SIRPG: variants seen among roughly 807,000 people sequenced by gnomAD.
SIRPG encodes signal regulatory protein gamma.
A neutral mutation model predicts 35.7 loss-of-function variants in SIRPG; 38 were observed. The ratio of observed to expected loss-of-function variants is 1.06; its 90% CI spans 0.82 to 1.40. The LOEUF (loss-of-function observed/expected upper bound fraction) is 1.40. Ranked by LOEUF, SIRPG falls within the 40% of genes most tolerant of loss-of-function variation. The pLI, the probability that SIRPG is intolerant of heterozygous loss-of-function variation, is 0.00. For missense variants in SIRPG, 519 were observed against 483.0 expected (o/e 1.07, Z -0.70); for synonymous variants, 215 against 190.4 (o/e 1.13, Z -1.06).
At chr20:1,664,322 C>T in the SIRPG span, among the ~76,000 whole-genome samples, 1 of 151,870 alleles carries the variant, frequency 6.6e-6, no homozygotes, top group Non-Finnish European at 1.5e-5. Flanking sequence ...CTGTTTTTTT[C>T]CCTTAAAACT....
At position 1,649,091 on chromosome 20, in the gene SIRPG, C is replaced by T. The variant is rs62641733; in HGVS notation, c.391G>A (p.Glu131Lys). ...TCAGTGCCTGGTCCAGACTTAAACTCCACGTTCTCAGGGCTCCCTTTTCGA... is the reference window on the plus strand; with the variant it reads ...TCAGTGCCTGGTCCAGACTTAAACTTCACGTTCTCAGGGCTCCCTTTTCGA... ...KFRKGSPENV[E>K]FKSGPGTEMA... The change falls in exon 2 of 6, where the codon GAG (glutamate) becomes AAG (lysine). Residue 131 changes from glutamate (E) to lysine (K), a missense_variant. Coordinates refer to ENST00000303415, the MANE Select transcript of SIRPG (RefSeq NM_018556.4). 1.2e-6 allele frequency: 2 copies of T among 1,613,912 alleles called. No individual in the cohort carries two copies. The highest frequency in any genetic ancestry group is 1.3e-5 in the African/African-American group (1 of 75,010).
At chr20:1,631,855 G>A (rs752410140) in intron 4 of SIRPG, among the ~76,000 whole-genome samples, 1 of 152,174 alleles carries the variant, frequency 6.6e-6, no homozygotes, top group Non-Finnish European at 1.5e-5. Context: ...CTTGTTCCAT[G>A]GCTATCACTG....
chr20:1,665,722 C>T, the SIRPG span, among the ~76,000 whole-genome samples: 1 of 152,174 alleles, frequency 6.6e-6, no homozygotes, highest in Non-Finnish European at 1.5e-5. Context: ...ACAACTTAGT[C>T]TAATTTTCCA....
chr20:1,677,390 G>A, the SIRPG span, among the ~76,000 whole-genome samples: 4 of 152,190 alleles, frequency 2.6e-5, no homozygotes, highest in African/African-American at 7.2e-5. Context: ...AGCATAATAC[G>A]TGGACTGTGC....
chr20:1,678,633 G>A, the SIRPG span, among the ~76,000 whole-genome samples: 1 of 152,048 alleles, frequency 6.6e-6, no homozygotes, highest in African/African-American at 2.4e-5. Flanking sequence ...GGGGAAAAGA[G>A]AAAAAGAGAA....
At chr20:1,666,235 G>A in the SIRPG span, 2 of 152,100 alleles carry the variant, frequency 1.3e-5, no homozygotes, top group Middle Eastern at 3.4e-3. Context: ...CAAGCTGAGT[G>A]TTGTTACTAA....
At chr20:1,636,810 T>C (rs571566225) in intron 2 of SIRPG, among the ~76,000 whole-genome samples, 3 of 152,314 alleles carry the variant, frequency 2.0e-5, no homozygotes, top group African/African-American at 7.2e-5. Flanking sequence ...TTACTGATTG[T>C]TCTCCCTCTG....
At chr20:1,653,961 C>T (rs1049577506) in intron 1 of SIRPG, among the ~76,000 whole-genome samples, 3 of 152,066 alleles carry the variant, frequency 2.0e-5, no homozygotes, top group East Asian at 1.9e-4. Context: ...AAGATGGGGC[C>T]GGGCATGGTG....
chr20:1,633,619 T>A (rs1287800316), intron 4 of SIRPG: 1 of 152,186 alleles, frequency 6.6e-6, no homozygotes, highest in Non-Finnish European at 1.5e-5. Flanking sequence ...ATAGAAGATA[T>A]TTTTTGCCCT....
rs188105023 is a variant in SIRPG at position 1,637,263 on chromosome 20, C to T, written c.431-758G>A. 248 of 235,916 alleles carry T rather than the reference C, an allele frequency of 1.1e-3. 1 individual carries two copies. The Admixed American group carries it at 0.013, about 12-fold the overall frequency. The allele number at this position is 235,916 out of a possible 1,614,324, so 14.6% of individuals were successfully genotyped here. ...GCTAAAGCTTTAACATGGAGTCAAG[C>T]GTTTGTAAGAGCATTGCACTCACAC... is the stretch of plus-strand genomic sequence containing the variant. On this transcript the variant is annotated intron_variant, in intron 2 of 5. Coordinates refer to ENST00000303415, the MANE Select transcript of SIRPG (RefSeq NM_018556.4).
chr20:1,634,170 G>T (rs1227722155), intron 4 of SIRPG, among the ~76,000 whole-genome samples: 1 of 150,584 alleles, frequency 6.6e-6, no homozygotes, highest in South Asian at 2.1e-4. Flanking sequence ...GAAGAGGTCC[G>T]TTCTGTGACC....
intron 2 of SIRPG, among the ~76,000 whole-genome samples, chr20:1,640,410 G>A (rs979867511): frequency 6.6e-6 from 1 of 152,102 alleles, no homozygotes; most frequent in Non-Finnish European, 1.5e-5. Flanking sequence ...CTCTCTGCTT[G>A]TCTATTGTTG....
chr20:1,666,249 G>A, the SIRPG span: 19 of 152,186 alleles, frequency 1.2e-4, no homozygotes, highest in Admixed American at 1.2e-3. Flanking sequence ...TTACTAATAA[G>A]TAAAGTTAAA....
intron 3 of SIRPG, among the ~76,000 whole-genome samples, 193 bp downstream of exon 3, chr20:1,635,995 C>T (rs1315741960): frequency 1.3e-5 from 2 of 152,186 alleles, no homozygotes; most frequent in Admixed American, 6.5e-5. Flanking sequence ...GAGCTTGGCA[C>T]GTGATTGCTG....
the SIRPG span, among the ~76,000 whole-genome samples, chr20:1,668,409 C>T: frequency 0.033 from 5,071 of 151,812 alleles, 126 homozygotes; most frequent in Middle Eastern, 0.058. Flanking sequence ...CAGCTTCCGG[C>T]GTAGCTGAGA....
chr20:1,643,607 C>T (rs1180741346), intron 2 of SIRPG, among the ~76,000 whole-genome samples: 1 of 152,186 alleles, frequency 6.6e-6, no homozygotes, highest in East Asian at 1.9e-4. Flanking sequence ...CAGTTTTGCA[C>T]CCCTGCTGGA....
At chr20:1,650,376 C>T (rs1036968549) in intron 1 of SIRPG, among the ~76,000 whole-genome samples, 5 of 152,114 alleles carry the variant, frequency 3.3e-5, no homozygotes, top group Non-Finnish European at 7.4e-5. Context: ...GATATAAACA[C>T]ATTCACAAAA....
At chr20:1,668,768 C>T in the SIRPG span, among the ~76,000 whole-genome samples, 1 of 152,142 alleles carries the variant, frequency 6.6e-6, no homozygotes, top group African/African-American at 2.4e-5. Flanking sequence ...TGTAGAAAAA[C>T]GTCCTCAATC....
intron 4 of SIRPG, among the ~76,000 whole-genome samples, chr20:1,634,714 A>G (rs1418576706): frequency 1.3e-5 from 2 of 152,084 alleles, no homozygotes; most frequent in African/African-American, 4.8e-5. Flanking sequence ...CTATGAGAAG[A>G]TGGTTCCCCC....
Sources: allele counts gnomAD v4.1 joint callset (sites outside exome capture counted in the v4.1 genomes callset), GRCh38; gene constraint gnomAD v4.1.1; transcripts MANE v1.5; gene names NCBI Gene and HGNC (gene_info 2026-07-23, HGNC 2026-07-21).